Variants in TUBGCP3 observed in about 807,000 individuals in gnomAD.
TUBGCP3 encodes the protein tubulin gamma complex component 3, also known as gamma-tubulin complex component 3.
In TUBGCP3, 50 loss-of-function variants were observed where a neutral mutation model predicts 123.1. The ratio of observed to expected loss-of-function variants is 0.41; its 90% CI spans 0.32 to 0.51. The LOEUF (loss-of-function observed/expected upper bound fraction) is 0.51. Among genes scored for constraint, TUBGCP3 ranks in the 20% least tolerant of loss-of-function variants. The pLI, the probability that TUBGCP3 is intolerant of heterozygous loss-of-function variation, is 0.36. For synonymous variants in TUBGCP3, 405 were observed against 413.9 expected, an observed-to-expected ratio of 0.98 and a Z score of 0.26; for missense variants, 882 against 1,127.0, an observed-to-expected ratio of 0.78 and a Z score of 3.11.
upstream of TUBGCP3, among the ~76,000 whole-genome samples, chr13:112,588,615 C>T (rs1566600732): frequency 6.6e-6 from 1 of 152,178 alleles, no homozygotes; most frequent in Non-Finnish European, 1.5e-5. Flanking sequence ...TCCCCCCCGG[C>T]CCGGGTAACT....
intron 17 of TUBGCP3, among the ~76,000 whole-genome samples, chr13:112,513,131 A>AC (rs1594127286): frequency 6.6e-6 from 1 of 152,150 alleles, no homozygotes; most frequent in African/African-American, 2.4e-5. Context: ...TTCCCTCCCC[A>AC]CCCCACACAA....
intron 20 of TUBGCP3, among the ~76,000 whole-genome samples, chr13:112,495,944 T>A (rs1035298190): frequency 6.6e-6 from 1 of 152,162 alleles, no homozygotes; most frequent in African/African-American, 2.4e-5. Flanking sequence ...AAAAAATTTT[T>A]AAAAATTATT....
At position 112,519,008 on chromosome 13, in the gene TUBGCP3, G is replaced by T; in HGVS notation, c.1917C>A (p.Ser639Arg). The T allele has an allele frequency of 6.2e-7, 1 of 1,614,064 alleles. No individual in the cohort carries two copies. The highest frequency in any genetic ancestry group is 1.1e-5 in the South Asian group (1 of 91,076). ...SPGDTGWDVF[S>R]LDYHVDGPIA... is the part of the protein sequence containing the mutation. The stretch of plus-strand genomic sequence containing the variant: ...TTGGTCCGTCAACATGATAATCGAG[G>T]CTGAAGACATCCCATCCAGTGTCAC... The change falls in exon 16 of 22, where the codon AGC (serine) becomes AGA (arginine). Residue 639 changes from serine to arginine, a missense_variant. By Grantham distance (110) the Ser-to-Arg change is moderately radical (BLOSUM62 -1). This residue lies in a region of TUBGCP3 where 713 missense variants were observed against 874.0 expected (regional missense o/e 0.82). Coordinates refer to ENST00000261965, the MANE Select transcript of TUBGCP3 (RefSeq NM_006322.6). This position sits in a 1 kb window ranked among gnomAD's most constrained non-coding sequence, Gnocchi z 6.2.
chr13:112,563,620 T>C (rs1880696245), intron 3 of TUBGCP3, among the ~76,000 whole-genome samples: 1 of 151,216 alleles, frequency 6.6e-6, no homozygotes, highest in African/African-American at 2.4e-5. Flanking sequence ...TCCCACCACT[T>C]TGGGAGGCCG....
intron 3 of TUBGCP3, 45 bp from the exon 4 acceptor site, chr13:112,559,444 T>C: frequency 6.9e-7 from 1 of 1,450,526 alleles, no homozygotes; most frequent in Non-Finnish European, 9.5e-7. Flanking sequence ...TTTATACTAC[T>C]CTCCAGCCTT....
At chr13:112,487,053 A>ATGTGTGTGTGTGTGTGTGTGTGTG (rs10522089) in intron 21 of TUBGCP3, among the ~76,000 whole-genome samples, 1 of 147,400 alleles carries the variant, frequency 6.8e-6, no homozygotes, top group Non-Finnish European at 1.5e-5. Context: ...AACACTGTGT[A>ATGTGTGTGTGTGTGTGTGTGTGTG]TGTGTGTGTG....
At chr13:112,602,610 C>A in the TUBGCP3 span, among the ~76,000 whole-genome samples, 1 of 152,216 alleles carries the variant, frequency 6.6e-6, no homozygotes, top group South Asian at 2.1e-4. Context: ...TTCACCTCTG[C>A]ATAGGAGAGG....
the TUBGCP3 span, among the ~76,000 whole-genome samples, chr13:112,597,482 C>T: frequency 2.0e-5 from 3 of 152,012 alleles, no homozygotes; most frequent in African/African-American, 2.4e-5. Flanking sequence ...GAGGAGACAA[C>T]GAGTGTTTTG....
In TUBGCP3 at chr13:112,485,496, A is replaced by G. The variant is rs1879596963; in HGVS notation, c.*497T>C. On this transcript the variant is annotated 3_prime_UTR_variant, in exon 22 of 22. Transcript: ENST00000261965. ...AGGTTAATATTTTACAACACTAAAA[A>G]AAAATAAAATGCTCTATATATTTTC... The G allele has an allele frequency of 6.5e-6, 1 of 152,968 alleles. No homozygotes were observed. The highest frequency in any genetic ancestry group is 6.5e-5 in the Admixed American group (1 of 15,306). The allele number at this position is 152,968 out of a possible 1,614,324, so 9.5% of individuals were successfully genotyped here.
At chr13:112,492,541 C>T (rs7335796) in intron 20 of TUBGCP3, among the ~76,000 whole-genome samples, 6 of 152,256 alleles carry the variant, frequency 3.9e-5, no homozygotes, top group Non-Finnish European at 5.9e-5. Flanking sequence ...CCTCTCCCCC[C>T]AGAGGAGCCC....
chr13:112,589,656 G>C (rs1882836366), upstream of TUBGCP3, among the ~76,000 whole-genome samples: 1 of 152,142 alleles, frequency 6.6e-6, no homozygotes, highest in Non-Finnish European at 1.5e-5. Context: ...CAAAAAAATG[G>C]GTGCCTTGTT....
chr13:112,574,652 T>G (rs1470245926), intron 1 of TUBGCP3, among the ~76,000 whole-genome samples: 1 of 151,988 alleles, frequency 6.6e-6, no homozygotes, highest in Non-Finnish European at 1.5e-5. Context: ...CAAGACAGAG[T>G]AAGCACACTC....
chr13:112,565,071 C>T, intron 3 of TUBGCP3, 40 bp downstream of exon 3: 1 of 1,568,460 alleles, frequency 6.4e-7, no homozygotes, highest in South Asian at 1.1e-5. Context: ...ATCATATCCT[C>T]AACAATGAGT....
At chr13:112,517,507 A>AT (rs1271201017) in intron 16 of TUBGCP3, among the ~76,000 whole-genome samples, 2 of 152,210 alleles carry the variant, frequency 1.3e-5, no homozygotes, top group African/African-American at 4.8e-5. Flanking sequence ...AATCGATGCA[A>AT]TTATCTGTAC....
chr13:112,556,779 C>T (rs759693356), intron 5 of TUBGCP3, among the ~76,000 whole-genome samples: 8 of 152,184 alleles, frequency 5.3e-5, no homozygotes, highest in Admixed American at 2.0e-4. Flanking sequence ...AAGGCAAATG[C>T]ATATTCAAGG....
intron 11 of TUBGCP3, among the ~76,000 whole-genome samples, chr13:112,543,641 T>G (rs2139159467): frequency 6.6e-6 from 1 of 152,208 alleles, no homozygotes; most frequent in Non-Finnish European, 1.5e-5. Flanking sequence ...CAGATTCAAG[T>G]ATATAGAGAA....
chr13:112,511,653 T>A lies in TUBGCP3; in HGVS notation c.2086+4787A>T, dbSNP rs114439188. Among the ~76,000 whole-genome samples, 1,775 of 149,744 alleles carry A rather than the reference T, an allele frequency of 0.012. 31 individuals are homozygous for A. The highest frequency in any genetic ancestry group is 0.042 in the African/African-American group (1,640 of 39,436). Reference sequence around the variant, plus strand: ...AATGTGTATCTTAGAAGTGATACAATATGGTTAAAAGGAAAACCAAAAAAA... The same window carrying A: ...AATGTGTATCTTAGAAGTGATACAAAATGGTTAAAAGGAAAACCAAAAAAA... On this transcript the variant is annotated intron_variant, in intron 17 of 21. Coordinates refer to ENST00000261965, the MANE Select transcript of TUBGCP3 (RefSeq NM_006322.6). The surrounding 1 kb of genome is among the most constrained non-coding windows in gnomAD (Gnocchi z 4.1).
At chr13:112,534,471 C>T (rs1303609269) in intron 11 of TUBGCP3, among the ~76,000 whole-genome samples, 1 of 152,046 alleles carries the variant, frequency 6.6e-6, no homozygotes, top group Non-Finnish European at 1.5e-5. Flanking sequence ...GGCGTGAACC[C>T]GGGAGGTGGA....
intron 17 of TUBGCP3, among the ~76,000 whole-genome samples, chr13:112,509,589 C>T (rs1250472681): frequency 1.3e-5 from 2 of 152,258 alleles, no homozygotes; most frequent in South Asian, 4.2e-4. Context: ...CTAGAAAAAT[C>T]ATCTTTTATT....
Sources: allele counts gnomAD v4.1 joint callset (sites outside exome capture counted in the v4.1 genomes callset), GRCh38; gene constraint gnomAD v4.1.1; regional missense constraint gnomAD v4.1.1; non-coding constraint Gnocchi (gnomAD v3.1); transcripts MANE v1.5; gene names NCBI Gene and HGNC (gene_info 2026-07-23, HGNC 2026-07-21).